IL1RAPL2: variants seen among roughly 807,000 people sequenced by gnomAD.
IL1RAPL2 encodes X-linked interleukin-1 receptor accessory protein-like 2.
In IL1RAPL2, 3 loss-of-function variants were observed where a neutral mutation model predicts 44.1. That is an observed-to-expected ratio of 0.07 (90% CI 0.03 to 0.18). IL1RAPL2 has a LOEUF of 0.18. Among genes scored for constraint, IL1RAPL2 ranks in the 10% least tolerant of loss-of-function variants. The probability of loss-of-function intolerance (pLI) is 1.00; values close to 1 mark genes in which losing one functional copy is unlikely to be tolerated. For missense variants in IL1RAPL2, 391 were observed against 496.4 expected (o/e 0.79, Z 2.02); for synonymous variants, 181 against 178.8 (o/e 1.01, Z -0.10).
intron 7 of IL1RAPL2, among the ~76,000 whole-genome samples, chrX:105,731,717 T>G: frequency 9.0e-6 from 1 of 110,662 alleles, no homozygotes; most frequent in East Asian, 2.9e-4. Flanking sequence ...TGTACTCACT[T>G]ATATGTAGGA....
At chrX:105,149,793 C>T (rs2033210226) in intron 2 of IL1RAPL2, among the ~76,000 whole-genome samples, 2 of 110,139 alleles carry the variant, frequency 1.8e-5, no homozygotes, top group South Asian at 7.8e-4. Context: ...AAGATCATGC[C>T]ACTGCACTCC....
At chrX:104,911,944 C>T (rs55741728) in intron 2 of IL1RAPL2, among the ~76,000 whole-genome samples, 49,327 of 110,334 alleles carry the variant, frequency 0.45, 8,762 homozygotes, top group South Asian at 0.64. Context: ...ACTCAAATAT[C>T]GCTTTCTCAG....
chrX:105,258,769 G>T (rs112929338), intron 4 of IL1RAPL2, among the ~76,000 whole-genome samples: 4,457 of 111,553 alleles, frequency 0.04, 208 homozygotes, highest in African/African-American at 0.14. Flanking sequence ...GTGTTATTTA[G>T]CTCTCTCATA....
intron 2 of IL1RAPL2, among the ~76,000 whole-genome samples, chrX:104,681,028 C>G (rs758276436): frequency 8.9e-6 from 1 of 111,938 alleles, no homozygotes; most frequent in South Asian, 3.7e-4. Flanking sequence ...AATTAGAGCA[C>G]AGCGAGTTCT....
intron 2 of IL1RAPL2, among the ~76,000 whole-genome samples, chrX:104,983,530 ATAT>A (rs34368019): frequency 0.031 from 3,087 of 98,707 alleles, 57 homozygotes; most frequent in Middle Eastern, 0.06. Flanking sequence ...TAGATACATA[ATAT>A]TATATAATAT....
chrX:105,757,418 C>A (rs760549523), intron 10 of IL1RAPL2, among the ~76,000 whole-genome samples: 1 of 111,888 alleles, frequency 8.9e-6, no homozygotes, highest in East Asian at 2.8e-4. Flanking sequence ...TTCTAGCCAG[C>A]AAGATTATAA....
At chrX:105,417,668 G>A (rs1281251616) in intron 5 of IL1RAPL2, among the ~76,000 whole-genome samples, 1 of 109,771 alleles carries the variant, frequency 9.1e-6, no homozygotes, top group African/African-American at 3.5e-5. Flanking sequence ...TGTCTTGTAG[G>A]AGGCATTGAA....
intron 2 of IL1RAPL2, among the ~76,000 whole-genome samples, chrX:104,715,464 C>T (rs147007341): frequency 0.02 from 1,949 of 99,291 alleles, 51 homozygotes; most frequent in African/African-American, 0.065. Flanking sequence ...ATCTTTTGAA[C>T]GGTTTTTGTG....
chrX:105,215,461 GTAAT>G (rs1209362890), intron 3 of IL1RAPL2, among the ~76,000 whole-genome samples: 1 of 111,703 alleles, frequency 9.0e-6, no homozygotes, highest in Non-Finnish European at 1.9e-5. Context: ...AATTGAGGCA[GTAAT>G]TAATAGTCTA....
At chrX:104,759,021 C>T (rs1932385162) in intron 2 of IL1RAPL2, among the ~76,000 whole-genome samples, 1 of 112,494 alleles carries the variant, frequency 8.9e-6, no homozygotes, top group South Asian at 3.7e-4. Context: ...CACATACACA[C>T]GTGTGTACAC....
intron 2 of IL1RAPL2, among the ~76,000 whole-genome samples, chrX:104,800,296 A>G (rs1262251083): frequency 9.0e-6 from 1 of 110,906 alleles, no homozygotes; most frequent in African/African-American, 3.3e-5. Context: ...GGAGATGATA[A>G]TGAAATCACC....
intron 2 of IL1RAPL2, among the ~76,000 whole-genome samples, chrX:104,743,963 C>T (rs1235172926): frequency 9.1e-6 from 1 of 110,214 alleles, no homozygotes. Flanking sequence ...CTCATTAATG[C>T]CTATTTTCAA....
intron 5 of IL1RAPL2, among the ~76,000 whole-genome samples, chrX:105,426,841 G>A (rs766622679): frequency 1.8e-5 from 2 of 111,938 alleles, no homozygotes; most frequent in African/African-American, 3.2e-5. Flanking sequence ...GCATGGCCAT[G>A]TACCCTCAGA....
At chrX:104,983,599 T>G (rs1356401090) in intron 2 of IL1RAPL2, among the ~76,000 whole-genome samples, 21 of 70,588 alleles carry the variant, frequency 3.0e-4, no homozygotes, top group South Asian at 2.3e-3. Flanking sequence ...ATATATTATA[T>G]GCATAATATA....
chrX:105,540,913 T>TATATATCATATATAATATATACATATATA, intron 6 of IL1RAPL2, among the ~76,000 whole-genome samples: 1 of 45,161 alleles, frequency 2.2e-5, no homozygotes, highest in African/African-American at 7.4e-5. Flanking sequence ...ATACATATAT[T>TATATATCATATATAATATATACATATATA]ATATATGATA....
chrX:104,610,835 A>G (rs1929139229), intron 1 of IL1RAPL2, among the ~76,000 whole-genome samples: 1 of 111,933 alleles, frequency 8.9e-6, no homozygotes, highest in Non-Finnish European at 1.9e-5. Context: ...ATCCTAAGCC[A>G]AAAGAACAAA....
At chrX:105,740,447 C>T (rs2038490370) in intron 7 of IL1RAPL2, 99 bp from the exon 8 acceptor site, 1 of 857,739 alleles carries the variant, frequency 1.2e-6, no homozygotes, top group African/African-American at 2.0e-5. Flanking sequence ...CGCCCATCAT[C>T]AGAGACCTGT....
At chrX:105,673,341 C>T (rs2037840785) in intron 6 of IL1RAPL2, among the ~76,000 whole-genome samples, 1 of 110,696 alleles carries the variant, frequency 9.0e-6, no homozygotes. Context: ...CGCTGACAGG[C>T]CCCAGTGTGT....
At chrX:105,412,358 G>A (rs889263466) in intron 5 of IL1RAPL2, among the ~76,000 whole-genome samples, 2 of 104,669 alleles carry the variant, frequency 1.9e-5, no homozygotes. Flanking sequence ...ATACTATTCA[G>A]CCATAAAAAA....
Sources: allele counts gnomAD v4.1 joint callset (sites outside exome capture counted in the v4.1 genomes callset), GRCh38; gene constraint gnomAD v4.1.1; transcripts MANE v1.5; gene names NCBI Gene and HGNC (gene_info 2026-07-23, HGNC 2026-07-21).